The following SKP2 variants were observed in gnomAD, a reference collection of about 807,000 sequenced individuals.
The protein encoded by SKP2 is S-phase kinase-associated protein 2.
Under a neutral mutation model 51.8 loss-of-function variants are expected in SKP2, and 16 were observed. The ratio of observed to expected loss-of-function variants is 0.31; its 90% confidence interval spans 0.21 to 0.47. The LOEUF (loss-of-function observed/expected upper bound fraction) is 0.47, where lower values mean the gene tolerates loss of function less well. Ranked by LOEUF, SKP2 falls within the 20% of genes least tolerant of loss-of-function variation. The pLI, the probability that SKP2 is intolerant of heterozygous loss-of-function variation, is 1.00. For synonymous variants in SKP2, 176 were observed against 198.6 expected, an observed-to-expected ratio of 0.89 and a Z score of 0.96; for missense variants, 377 against 505.3, an observed-to-expected ratio of 0.75 and a Z score of 2.43.
intron 6 of SKP2, among the ~76,000 whole-genome samples, chr5:36,192,395 G>A (rs1342180536): frequency 2.0e-5 from 3 of 152,168 alleles, no homozygotes; most frequent in Non-Finnish European, 4.4e-5. Context: ...GTATAAGGAT[G>A]CATAAATAAT....
intron 2 of SKP2, among the ~76,000 whole-genome samples, chr5:36,157,584 A>C (rs762524378): frequency 1.3e-4 from 20 of 152,208 alleles, no homozygotes; most frequent in Non-Finnish European, 2.8e-4. Context: ...GTAGTTCCCC[A>C]GAAAGAAAGC....
chr5:36,183,574 A>C lies in SKP2; in HGVS notation c.*1543A>C. 1 of 1,060,126 alleles carries C rather than the reference A, an allele frequency of 9.4e-7. No homozygotes were observed. Among genetic ancestry groups the C allele is most frequent in the Non-Finnish European group, 1.1e-6 (1 of 879,664 alleles). The allele number at this position is 1,060,126 out of a possible 1,614,324, so 65.7% of individuals were successfully genotyped here. On this transcript the variant is annotated 3_prime_UTR_variant, in exon 10 of 10. Coordinates refer to ENST00000274255, the MANE Select transcript of SKP2 (RefSeq NM_005983.4). ...GAGCAACTGCGCCCAGCCAAATTCTACTTCTTAAAAATCACAAAAACTAGT... is the reference window on the plus strand; with the variant it reads ...GAGCAACTGCGCCCAGCCAAATTCTCCTTCTTAAAAATCACAAAAACTAGT...
chr5:36,184,962 G>A (rs919425577), downstream of SKP2, among the ~76,000 whole-genome samples: 6 of 152,134 alleles, frequency 3.9e-5, no homozygotes, highest in Non-Finnish European at 8.8e-5. Context: ...ATTCTAACTG[G>A]TGTGAGATGG....
At chr5:36,161,560 A>G (rs1340493592) in intron 2 of SKP2, among the ~76,000 whole-genome samples, 3 of 152,222 alleles carry the variant, frequency 2.0e-5, no homozygotes, top group African/African-American at 7.2e-5. Flanking sequence ...ACATTTCTAG[A>G]TAACAAACCT....
intron 2 of SKP2, among the ~76,000 whole-genome samples, chr5:36,156,808 T>G (rs1744963689): frequency 6.6e-6 from 1 of 152,128 alleles, no homozygotes; most frequent in South Asian, 2.1e-4. Flanking sequence ...TATATCAGAA[T>G]CCCCACAGGA....
At chr5:36,168,245 G>T (rs1430386540) in intron 4 of SKP2, 68 bp from the exon 5 acceptor site, 6 of 1,488,480 alleles carry the variant, frequency 4.0e-6, no homozygotes, top group Non-Finnish European at 5.5e-6. Flanking sequence ...GAGAAGAGGG[G>T]TCTGGTTTGA....
At chr5:36,188,724 C>T (rs537279005), downstream of SKP2, among the ~76,000 whole-genome samples, 3 of 152,238 alleles carry the variant, frequency 2.0e-5, no homozygotes, top group South Asian at 2.1e-4. Flanking sequence ...TTGCTCTTCT[C>T]GAGGAGTTTC....
Position 36,182,947 on chromosome 5 carries a change from T to A in SKP2, c.*916T>A. 1.0e-6 allele frequency: 1 copy of A among 972,630 alleles called. No homozygotes were observed. Among genetic ancestry groups the A allele is most frequent in the Non-Finnish European group, 1.2e-6 (1 of 818,432 alleles). The allele number at this position is 972,630 out of a possible 1,614,324, so 60.2% of individuals were successfully genotyped here. A position where few individuals can be genotyped will look rare whatever the true frequency, so the allele number is the denominator to read the frequency against. On this transcript the variant is annotated 3_prime_UTR_variant, in exon 10 of 10. Transcript: ENST00000274255. The stretch of plus-strand genomic sequence containing the variant: ...TGCTGTTTTCCTTTAGCGCTGAGGT[T>A]CTTAAGGTTACTTTTATATTACTCT...
chr5:36,164,822 G>A (rs368697781), intron 3 of SKP2, among the ~76,000 whole-genome samples: 173 of 152,242 alleles, frequency 1.1e-3, no homozygotes, highest in African/African-American at 4.0e-3. Flanking sequence ...TATATTTAAG[G>A]TATACAGCAT....
At position 36,170,325 on chromosome 5, in the gene SKP2, C is replaced by A. The variant is rs568954499; in HGVS notation, c.672-19C>A. On this transcript the variant is annotated intron_variant, in intron 5 of 9. Coordinates refer to ENST00000274255, the MANE Select transcript of SKP2 (RefSeq NM_005983.4). ...TGTCTTACTGGTCTTTTTCTTCTGA[C>A]GTTTTTCTCTTTTTCCAGTACTCTC... 18 of 1,460,422 alleles carry A rather than the reference C, an allele frequency of 1.2e-5. No homozygotes were observed. The Admixed American group carries it at 2.2e-4, about 18-fold the overall frequency. 90.5% of individuals were successfully genotyped at this position (1,460,422 alleles called of 1,614,324 possible).
At chr5:36,172,494 C>A (rs1745506684) in intron 7 of SKP2, among the ~76,000 whole-genome samples, 1 of 152,194 alleles carries the variant, frequency 6.6e-6, no homozygotes, top group Non-Finnish European at 1.5e-5. Context: ...TAAATGGCTT[C>A]ACCGTCTCAG....
At chr5:36,185,327 C>G (rs902153568), downstream of SKP2, among the ~76,000 whole-genome samples, 1 of 152,138 alleles carries the variant, frequency 6.6e-6, no homozygotes, top group Non-Finnish European at 1.5e-5. Context: ...GACATGAAGT[C>G]CTTGCCCATG....
intron 2 of SKP2, among the ~76,000 whole-genome samples, chr5:36,159,996 G>A (rs908640422): frequency 1.3e-5 from 2 of 152,208 alleles, no homozygotes; most frequent in African/African-American, 4.8e-5. Flanking sequence ...GAGGAATATA[G>A]AAAAGAAAGT....
At chr5:36,152,326 T>G in intron 1 of SKP2, 56 bp downstream of exon 1, 3 of 1,524,668 alleles carry the variant, frequency 2.0e-6, no homozygotes, top group Non-Finnish European at 2.7e-6. Flanking sequence ...AATAATTCTT[T>G]TAGGCCGCGA....
intron 6 of SKP2, among the ~76,000 whole-genome samples, 188 bp from the exon 7 acceptor site, chr5:36,171,415 C>T (rs182133499): frequency 5.7e-4 from 87 of 152,290 alleles, no homozygotes; most frequent in Non-Finnish European, 1.3e-4. Context: ...TTCTGATCCC[C>T]TGGCAACTTT....
intron 9 of SKP2, 192 bp downstream of exon 9, chr5:36,177,484 C>G: frequency 1.5e-6 from 1 of 673,292 alleles, no homozygotes. Flanking sequence ...AGATTGTTCA[C>G]TAAACATTTA....
chr5:36,164,291 T>C (rs959707692), intron 3 of SKP2, among the ~76,000 whole-genome samples: 2 of 152,136 alleles, frequency 1.3e-5, no homozygotes, highest in Non-Finnish European at 2.9e-5. Flanking sequence ...AAGATGCTGG[T>C]GTAATGCCTG....
rs1745832631 is a variant in SKP2, at chr5:36,182,172, G to A, written c.*141G>A. 7.0e-7 allele frequency: 1 copy of A among 1,427,214 alleles called. No individual in the cohort carries two copies. Among genetic ancestry groups the A allele is most frequent in the Non-Finnish European group, 9.1e-7 (1 of 1,093,890 alleles). 88.4% of individuals were successfully genotyped at this position (1,427,214 alleles called of 1,614,324 possible). On this transcript the variant is annotated 3_prime_UTR_variant, in exon 10 of 10. Transcript: ENST00000274255. The stretch of plus-strand genomic sequence containing the variant: ...AAGTATACTAGGGAGCCATTTGAGA[G>A]GGAAAACTATGAAATCTTGCTTTTT...
rs781050345 is a variant in SKP2, at chr5:36,168,517, CTG to C, written c.671+71_671+72del. 270 of 1,424,290 alleles carry C rather than the reference CTG, an allele frequency of 1.9e-4. 1 individual carries two copies. Among genetic ancestry groups the C allele is most frequent in the Non-Finnish European group, 8.0e-5 (81 of 1,009,200 alleles). The allele number at this position is 1,424,290 out of a possible 1,614,324, so 88.2% of individuals were successfully genotyped here. On this transcript the variant is annotated intron_variant, in intron 5 of 9. Transcript: ENST00000274255. ...TATGAATTTTTTTCCCTGTATATAA[CTG>C]GGGTGCCCTTCTAGCCATATCCAGG...
Sources: gnomAD v4.1 joint callset for allele counts (sites outside exome capture counted in the v4.1 genomes callset) on GRCh38, gnomAD v4.1.1 for gene constraint, MANE v1.5 for transcripts, NCBI Gene and HGNC (gene_info 2026-07-23, HGNC 2026-07-21) for gene names.